Variants in EPHA7 observed in about 807,000 individuals in gnomAD.
EPHA7 encodes the protein EPH receptor A7, also known as ephrin type-A receptor 7.
EPHA7 carries 25 observed loss-of-function variants against 112.6 expected under a neutral mutation model. The observed-to-expected ratio is 0.22, with a 90% CI of 0.16 to 0.31. The LOEUF is 0.31. Among genes scored for constraint, EPHA7 ranks in the 10% least tolerant of loss-of-function variants. The probability of loss-of-function intolerance (pLI) is 1.00; values close to 1 mark genes in which losing one functional copy is unlikely to be tolerated. For synonymous variants in EPHA7, 437 were observed against 406.5 expected (o/e 1.07, Z -0.90); for missense variants, 962 against 1,212.6 (o/e 0.79, Z 3.07).
intron 3 of EPHA7, among the ~76,000 whole-genome samples, chr6:93,379,577 G>C (rs1428141899): frequency 6.6e-6 from 1 of 151,894 alleles, no homozygotes. Flanking sequence ...GATTGTTTTG[G>C]AAACATAAAA....
chr6:93,292,703 G>A (rs1032316890), intron 5 of EPHA7, among the ~76,000 whole-genome samples: 1 of 152,164 alleles, frequency 6.6e-6, no homozygotes, highest in Non-Finnish European at 1.5e-5. Flanking sequence ...ATAACCTACA[G>A]AGAAGTAACA....
At chr6:93,347,484 T>C (rs361505) in intron 5 of EPHA7, among the ~76,000 whole-genome samples, 6,603 of 151,946 alleles carry the variant, frequency 0.043, 167 homozygotes, top group African/African-American at 0.055. Context: ...TGTCATTTCT[T>C]GTCCCATAAA....
chr6:93,357,020 T>C lies in EPHA7; in HGVS notation c.1021A>G (p.Asn341Asp), dbSNP rs1775981244. 6.2e-7 allele frequency: 1 copy of C among 1,613,328 alleles called. No homozygotes were observed. The highest frequency in any genetic ancestry group is 8.5e-7 in the Non-Finnish European group (1 of 1,179,778). Residue 341 changes from asparagine to aspartate, a missense_variant, in exon 5 of 17, where the codon AAC becomes GAC. By Grantham distance (23) the Asn-to-Asp change is conservative. Coordinates refer to ENST00000369303, the MANE Select transcript of EPHA7 (RefSeq NM_004440.4). ...AAACTTACTGTGGTTTGGTTGATGT[T>C]GAAAATGAGGTTCTGTGGTGCAGAT... ...PPSAPQNLIF[N>D]INQTTVSLEW...
At chr6:93,333,637 C>T (rs1458042349) in intron 5 of EPHA7, among the ~76,000 whole-genome samples, 1 of 151,852 alleles carries the variant, frequency 6.6e-6, no homozygotes, top group Admixed American at 6.6e-5. Flanking sequence ...TGATGTTGAG[C>T]ATTTTTTTAT....
chr6:93,286,581 C>T (rs1005057896), intron 5 of EPHA7, among the ~76,000 whole-genome samples: 2 of 152,234 alleles, frequency 1.3e-5, no homozygotes, highest in African/African-American at 2.4e-5. Context: ...CCCTGCTCCC[C>T]AGTTAATTTC....
At chr6:93,279,180 T>C (rs1771611683) in intron 5 of EPHA7, among the ~76,000 whole-genome samples, 2 of 152,290 alleles carry the variant, frequency 1.3e-5, no homozygotes, top group South Asian at 4.1e-4. Context: ...GCAACCACTC[T>C]TAGCAATTTA....
Position 93,255,937 on chromosome 6 carries a change from T to C in EPHA7, c.2273A>G (p.Asp758Gly). 1 of 1,614,034 alleles carries C rather than the reference T, an allele frequency of 6.2e-7. No individual in the cohort carries two copies. Among genetic ancestry groups the C allele is most frequent in the South Asian group, 1.1e-5 (1 of 91,078 alleles). Residue 758 changes from aspartate (D) to glycine (G), a missense_variant, in exon 13 of 17, where the codon GAC (aspartate) becomes GGC (glycine). Asp to Gly is a moderately conservative substitution (Grantham distance 94). Transcript: ENST00000369303. ...GACAAGAATATTGCGAGCTGCAAGG[T>C]CCCTGTGAACATATCCCATATCAGC... ...YLADMGYVHR[D>G]LAARNILVNS...
intron 5 of EPHA7, among the ~76,000 whole-genome samples, chr6:93,342,380 T>A (rs959386526): frequency 2.0e-5 from 3 of 151,690 alleles, no homozygotes; most frequent in African/African-American, 7.3e-5. Flanking sequence ...AAACAAAAGG[T>A]CACCTAGACT....
intron 3 of EPHA7, 128 bp from the exon 4 acceptor site, chr6:93,358,539 A>T: frequency 4.0e-6 from 3 of 755,722 alleles, no homozygotes; most frequent in South Asian, 5.2e-5. Context: ...TGATGATAAA[A>T]TATTCATTTT....
At chr6:93,270,131 T>C (rs1402440574) in intron 6 of EPHA7, among the ~76,000 whole-genome samples, 2 of 151,604 alleles carry the variant, frequency 1.3e-5, no homozygotes, top group East Asian at 1.9e-4. Context: ...ACTACTATAC[T>C]GACATACCAA....
intron 5 of EPHA7, among the ~76,000 whole-genome samples, chr6:93,353,588 C>A (rs1198107942): frequency 2.6e-5 from 4 of 152,074 alleles, no homozygotes; most frequent in African/African-American, 9.7e-5. Flanking sequence ...GACAGGTTCC[C>A]AAAGAGTTAC....
chr6:93,290,458 A>C (rs547382647), intron 5 of EPHA7, among the ~76,000 whole-genome samples: 19 of 152,316 alleles, frequency 1.2e-4, no homozygotes, highest in African/African-American at 4.6e-4. Context: ...TAGGTAATAC[A>C]TACAAAATGG....
rs538726686 is a variant in EPHA7, at chr6:93,314,947, C to T, written c.1324+41770G>A. Among the ~76,000 whole-genome samples the T allele has an allele frequency of 1.9e-4, 28 of 144,166 alleles. No homozygotes were observed. In the East Asian group the frequency reaches 5.0e-3, roughly 26 times the overall value. The allele number at this position is 144,166 out of a possible 152,430, so 94.6% of individuals were successfully genotyped here. On this transcript the variant is annotated intron_variant, in intron 5 of 16. Coordinates refer to ENST00000369303, the MANE Select transcript of EPHA7 (RefSeq NM_004440.4). The stretch of plus-strand genomic sequence containing the variant: ...GCGCGATCTCGGCTCACTGCAAGCT[C>T]CGCCTCCCGGGTTCACGCCATTCTC...
chr6:93,357,197 T>A (rs1205099373), intron 4 of EPHA7, 145 bp from the exon 5 acceptor site: 3 of 643,560 alleles, frequency 4.7e-6, no homozygotes, highest in Non-Finnish European at 7.9e-6. Flanking sequence ...TTCTTTCACA[T>A]AAACATTTCA....
At chr6:93,247,305 T>C (rs1769997327) in intron 14 of EPHA7, among the ~76,000 whole-genome samples, 2 of 152,204 alleles carry the variant, frequency 1.3e-5, no homozygotes, top group South Asian at 4.1e-4. Context: ...CTATCTTACT[T>C]GTATATCTTT....
chr6:93,346,473 G>A (rs946028770), intron 5 of EPHA7, among the ~76,000 whole-genome samples: 3 of 151,638 alleles, frequency 2.0e-5, no homozygotes, highest in Admixed American at 6.6e-5. Context: ...AGTCAAGGAA[G>A]GATTAACCAA....
intron 5 of EPHA7, among the ~76,000 whole-genome samples, chr6:93,316,864 T>C (rs1288770905): frequency 1.3e-5 from 2 of 152,134 alleles, no homozygotes; most frequent in East Asian, 1.9e-4. Flanking sequence ...ACAAGTGAGA[T>C]AGCAATACAA....
intron 14 of EPHA7, among the ~76,000 whole-genome samples, chr6:93,247,801 T>A (rs1770025406): frequency 6.6e-6 from 1 of 152,180 alleles, no homozygotes; most frequent in African/African-American, 2.4e-5. Flanking sequence ...TAATATTATA[T>A]CCAATAGCCT....
In EPHA7 at chr6:93,264,604, T is replaced by C. The variant is rs1377724860; in HGVS notation, c.1732A>G (p.Ile578Val). 2 of 1,601,344 alleles carry C rather than the reference T, an allele frequency of 1.2e-6. No homozygotes were observed. Among genetic ancestry groups the C allele is most frequent in the African/African-American group, 1.3e-5 (1 of 74,206 alleles). ...ILVFMVFGFIIGRRHCGYSKA... is the reference protein window; with the variant it reads ...ILVFMVFGFIVGRRHCGYSKA... ...AACTTTGTGTTCTACCTTCTCCCAATGATGAAGCCAAAGACCATGAACACC... is the reference window on the plus strand; with the variant it reads ...AACTTTGTGTTCTACCTTCTCCCAACGATGAAGCCAAAGACCATGAACACC... Residue 578 changes from isoleucine to valine, a missense_variant, in exon 8 of 17, where the codon ATT becomes GTT. Around this residue, in one of 3 missense-constraint regions of EPHA7, gnomAD observed 746 missense variants for 889.2 expected, o/e 0.84. Transcript: ENST00000369303.
Sources: allele counts gnomAD v4.1 joint callset (sites outside exome capture counted in the v4.1 genomes callset), GRCh38; gene constraint gnomAD v4.1.1; regional missense constraint gnomAD v4.1.1; transcripts MANE v1.5; gene names NCBI Gene and HGNC (gene_info 2026-07-23, HGNC 2026-07-21).